The following TENM2 variants were observed in gnomAD, a reference collection of about 807,000 sequenced individuals.
TENM2 encodes teneurin-2.
Under a neutral mutation model 245.2 loss-of-function variants are expected in TENM2, and 52 were observed. The ratio of observed to expected loss-of-function variants is 0.21; its 90% confidence interval spans 0.17 to 0.27. The LOEUF is 0.27. Ranked by LOEUF, TENM2 falls within the 10% of genes least tolerant of loss-of-function variation. TENM2 has a pLI of 1.00. For synonymous variants in TENM2, 1,363 were observed against 1,438.9 expected (o/e 0.95, Z 1.19); for missense variants, 3,046 against 3,666.8 (o/e 0.83, Z 4.37).
chr5:167,353,423 G>T (rs186901341), intron 1 of TENM2, among the ~76,000 whole-genome samples: 1 of 149,618 alleles, frequency 6.7e-6, no homozygotes, highest in Admixed American at 6.6e-5. Context: ...TTTCTCATCT[G>T]ATCTAAGGCT....
chr5:167,959,577 G>T (rs1288697347), intron 4 of TENM2, among the ~76,000 whole-genome samples: 1 of 152,062 alleles, frequency 6.6e-6, no homozygotes, highest in Admixed American at 6.5e-5. Flanking sequence ...CTCTAAACTG[G>T]TTATTCTAGT....
intron 2 of TENM2, among the ~76,000 whole-genome samples, chr5:167,707,234 C>T (rs1702391175): frequency 6.6e-6 from 1 of 151,842 alleles, no homozygotes; most frequent in East Asian, 1.9e-4. Flanking sequence ...CTATTCAGTT[C>T]CTTTGTTCAT....
intron 2 of TENM2, among the ~76,000 whole-genome samples, chr5:167,682,111 TCCC>T (rs1756760730): frequency 1.1e-5 from 1 of 93,256 alleles, no homozygotes; most frequent in Non-Finnish European, 2.2e-5. Context: ...CCTCCCTCCC[TCCC>T]TCCCTCCCTC....
intron 2 of TENM2, among the ~76,000 whole-genome samples, chr5:167,694,264 T>G (rs960536380): frequency 6.6e-6 from 1 of 152,168 alleles, no homozygotes; most frequent in Admixed American, 6.5e-5. Context: ...TATGGCCTTA[T>G]GTTGGAAGCA....
chr5:167,992,909 C>T (rs761228229), intron 4 of TENM2, 35 bp from the exon 7 acceptor site: 6 of 1,561,018 alleles, frequency 3.8e-6, no homozygotes, highest in Non-Finnish European at 5.3e-6. Flanking sequence ...CTTGGCTACC[C>T]ATGACCACTC....
At chr5:167,060,217 T>A in the TENM2 span, among the ~76,000 whole-genome samples, 1 of 152,190 alleles carries the variant, frequency 6.6e-6, no homozygotes, top group Non-Finnish European at 1.5e-5. Context: ...ACGATTAGAA[T>A]TCCTTTACTA....
At chr5:168,023,267 A>C (rs983673129) in intron 5 of TENM2, among the ~76,000 whole-genome samples, 1 of 152,226 alleles carries the variant, frequency 6.6e-6, no homozygotes, top group African/African-American at 2.4e-5. Context: ...TGGATATTCA[A>C]AATTCAATAA....
chr5:167,477,252 AGTG>A (rs2127522795), intron 2 of TENM2, among the ~76,000 whole-genome samples: 1 of 115,138 alleles, frequency 8.7e-6, no homozygotes, highest in East Asian at 2.7e-4. Flanking sequence ...TTTTTCTGTG[AGTG>A]AATAATAGTA....
chr5:167,312,783 A>G (rs1756115762), intron 1 of TENM2, among the ~76,000 whole-genome samples: 1 of 151,850 alleles, frequency 6.6e-6, no homozygotes, highest in Admixed American at 6.6e-5. Flanking sequence ...GATGCTGCTC[A>G]AATTTGTTGG....
At chr5:167,436,596 G>A (rs1764568354) in intron 2 of TENM2, among the ~76,000 whole-genome samples, 1 of 152,160 alleles carries the variant, frequency 6.6e-6, no homozygotes, top group Non-Finnish European at 1.5e-5. Context: ...AGGCAACGGG[G>A]AAAGTGTCTC....
At chr5:167,330,986 C>T (rs2127790122) in intron 1 of TENM2, among the ~76,000 whole-genome samples, 1 of 151,790 alleles carries the variant, frequency 6.6e-6, no homozygotes, top group African/African-American at 2.4e-5. Flanking sequence ...GCCTATAATC[C>T]CAGCACTTTG....
chr5:167,870,558 T>TAC, intron 2 of TENM2, among the ~76,000 whole-genome samples: 1 of 141,740 alleles, frequency 7.1e-6, no homozygotes. Context: ...TGTATACATA[T>TAC]ATATATATAT....
chr5:167,535,905 C>A (rs149966723), intron 2 of TENM2, among the ~76,000 whole-genome samples: 1 of 152,294 alleles, frequency 6.6e-6, no homozygotes, highest in East Asian at 1.9e-4. Flanking sequence ...ATAAACTCAA[C>A]CTGCTTATGG....
In TENM2 at chr5:167,518,066, A is replaced by G. The variant is rs531758564; in HGVS notation, c.502+142593A>G. On this transcript the variant is annotated intron_variant, in intron 2 of 28. Transcript: ENST00000518659. ...GTCGGATGTTACGGCGCACACCTGT[A>G]ATCCCAGCTATCACGAGGCTGAGGC... Among the ~76,000 whole-genome samples, 14 of 152,120 alleles carry G rather than the reference A, an allele frequency of 9.2e-5. No homozygotes were observed. In the South Asian group the frequency reaches 2.7e-3, roughly 29 times the overall value.
At chr5:168,062,227 G>A in exon 7 of TENM2, 2 of 1,613,686 alleles carry the variant, frequency 1.2e-6, no homozygotes, top group Non-Finnish European at 1.7e-6. Context: ...TCTCTTTGGT[G>A]TTTACATAAG....
intron 5 of TENM2, among the ~76,000 whole-genome samples, chr5:168,007,615 T>C (rs940071364): frequency 4.6e-5 from 7 of 152,312 alleles, no homozygotes; most frequent in Middle Eastern, 3.4e-3. Flanking sequence ...TGATTATCAA[T>C]TTGAGATGGG....
intron 2 of TENM2, among the ~76,000 whole-genome samples, chr5:167,753,075 G>A (rs992790734): frequency 6.6e-6 from 1 of 152,178 alleles, no homozygotes. Flanking sequence ...GACTTAGAAA[G>A]ATAATGGTTT....
the TENM2 span, among the ~76,000 whole-genome samples, chr5:167,263,586 T>C: frequency 2.0e-5 from 3 of 152,184 alleles, no homozygotes; most frequent in African/African-American, 4.8e-5. Flanking sequence ...AATAAATGTG[T>C]CCTTAATCAT....
chr5:167,609,510 AAAC>A (rs1477072780), intron 2 of TENM2, among the ~76,000 whole-genome samples: 581 of 38,668 alleles, frequency 0.015, 20 homozygotes, highest in African/African-American at 0.027. Flanking sequence ...AAAAAAAAAA[AAAC>A]AAAACCTTAC....
Sources: allele counts gnomAD v4.1 joint callset (sites outside exome capture counted in the v4.1 genomes callset), GRCh38; gene constraint gnomAD v4.1.1; transcripts MANE v1.5; gene names NCBI Gene and HGNC (gene_info 2026-07-23, HGNC 2026-07-21).